ITGAX: variants seen among roughly 807,000 people sequenced by gnomAD.
ITGAX encodes the protein integrin subunit alpha X.
Under a neutral mutation model 140.2 loss-of-function variants are expected in ITGAX, and 99 were observed. That is an observed-to-expected ratio of 0.71 (90% CI 0.60 to 0.83). The LOEUF (loss-of-function observed/expected upper bound fraction) is 0.83. Ranked by LOEUF, ITGAX falls within the 40% of genes least tolerant of loss-of-function variation. The probability of loss-of-function intolerance (pLI) is 0.00; values close to 1 mark genes in which losing one functional copy is unlikely to be tolerated. For missense variants in ITGAX, 1,444 were observed against 1,482.0 expected (o/e 0.97, Z 0.42); for synonymous variants, 631 against 600.4 (o/e 1.05, Z -0.75).
intron 17 of ITGAX, among the ~76,000 whole-genome samples, chr16:31,372,020 C>A (rs982279103): frequency 1.3e-5 from 2 of 152,152 alleles, no homozygotes; most frequent in Non-Finnish European, 2.9e-5. Context: ...AATTGGGCAA[C>A]CTGAGAGAGC....
intron 5 of ITGAX, 72 bp from the exon 6 acceptor site, chr16:31,359,628 T>C (rs2080799327): frequency 6.4e-7 from 1 of 1,559,248 alleles, no homozygotes; most frequent in African/African-American, 1.4e-5. Context: ...GAGTGAGCTC[T>C]TGTGGCCAGG....
chr16:31,374,494 C>T (rs1469598036), intron 20 of ITGAX, among the ~76,000 whole-genome samples: 1 of 152,154 alleles, frequency 6.6e-6, no homozygotes, highest in Non-Finnish European at 1.5e-5. Context: ...GGCTGGAGTG[C>T]AGTGGCACAA....
intron 14 of ITGAX, chr16:31,370,132 A>G (rs1339900125): frequency 6.6e-6 from 1 of 151,934 alleles, no homozygotes; most frequent in Non-Finnish European, 1.5e-5. Context: ...ATTTTTGTTT[A>G]TTTAGTAGAA....
At chr16:31,357,184 G>A (rs61761294) in intron 4 of ITGAX, 69 bp from the exon 5 acceptor site, 1 of 1,547,292 alleles carries the variant, frequency 6.5e-7, no homozygotes, top group Non-Finnish European at 8.8e-7. Context: ...CTCCTGTAGG[G>A]TGGAGGTTCC....
chr16:31,378,295 C>G (rs946987652), intron 23 of ITGAX, among the ~76,000 whole-genome samples: 1 of 152,204 alleles, frequency 6.6e-6, no homozygotes, highest in African/African-American at 2.4e-5. Context: ...TGTGCTGTGT[C>G]CCACAGAGCC....
intron 14 of ITGAX, among the ~76,000 whole-genome samples, chr16:31,364,420 C>T (rs1211588289): frequency 7.4e-6 from 1 of 135,870 alleles, no homozygotes; most frequent in Non-Finnish European, 1.5e-5. Flanking sequence ...GAGCACAATC[C>T]CGTGTCAAAA....
intron 14 of ITGAX, among the ~76,000 whole-genome samples, chr16:31,366,110 T>A (rs780125412): frequency 8.5e-5 from 13 of 152,234 alleles, no homozygotes; most frequent in Non-Finnish European, 1.8e-4. Flanking sequence ...GATACTGCAT[T>A]TTTTACACGC....
intron 20 of ITGAX, among the ~76,000 whole-genome samples, chr16:31,373,924 T>C (rs1434772289): frequency 6.6e-6 from 1 of 152,248 alleles, no homozygotes; most frequent in Non-Finnish European, 1.5e-5. Context: ...TGGCTGTTGG[T>C]TGCCAATCCC....
rs1555475690 is a variant in ITGAX at position 31,362,133 on chromosome 16, A to G, written c.1145A>G (p.Tyr382Cys). Reference sequence around the variant, plus strand: ...ACCTGGTCTGGAGGTGCCTTCCTGTACCCCCCAAATATGAGCCCTACCTTC... The same window carrying G: ...ACCTGGTCTGGAGGTGCCTTCCTGTGCCCCCCAAATATGAGCCCTACCTTC... The part of the protein sequence containing the change: ...SFTWSGGAFL[Y>C]PPNMSPTFIN... Residue 382 changes from tyrosine to cysteine, a missense_variant, in exon 11 of 30, where the codon TAC becomes TGC. By Grantham distance (194) the Tyr-to-Cys change is radical (BLOSUM62 -2). Coordinates refer to ENST00000268296, the MANE Select transcript of ITGAX (RefSeq NM_000887.5). The G allele has an allele frequency of 6.2e-7, 1 of 1,613,362 alleles. No homozygotes were observed. Among genetic ancestry groups the G allele is most frequent in the East Asian group, 2.2e-5 (1 of 44,846 alleles).
At chr16:31,360,494 C>A in intron 8 of ITGAX, 31 bp downstream of exon 8, 1 of 1,576,348 alleles carries the variant, frequency 6.3e-7, no homozygotes, top group South Asian at 1.1e-5. Context: ...CCACTTCTCC[C>A]ACGGCTTCCT....
chr16:31,365,295 T>C (rs768697613), intron 14 of ITGAX, among the ~76,000 whole-genome samples: 2 of 152,166 alleles, frequency 1.3e-5, no homozygotes, highest in Non-Finnish European at 2.9e-5. Context: ...GTGGTAGTGG[T>C]TTCACAACTC....
Position 31,362,636 on chromosome 16 carries a change from G to A in ITGAX, c.1242G>A (p.Trp414Ter). 6.2e-7 allele frequency: 1 copy of A among 1,612,802 alleles called. No homozygotes were observed. The highest frequency in any genetic ancestry group is 1.3e-5 in the African/African-American group (1 of 74,976). Residue 414 changes from tryptophan (W) to a stop codon, truncating the protein, a stop_gained, in exon 12 of 30, where the codon TGG becomes TGA. Transcript: ENST00000268296. LOFTEE classifies it high-confidence loss of function. The stretch of plus-strand genomic sequence containing the variant: ...GTTACTCCACCGAGCTGGCCCTCTG[G>A]AAAGGGGTGCAGAGCCTGGTCCTGG... ...YLGYSTELAL[W>*]KGVQSLVLGA...
rs1183898317 is a variant in ITGAX at position 31,371,167 on chromosome 16, A to C, written c.1794A>C (p.Gly598=). The change falls in exon 15 of 30, where the codon GGA becomes GGC. Residue 598 remains glycine (G), a synonymous_variant. Transcript: ENST00000268296. ...GGGGTCAAGACCTCACCCAGGATGG[A>C]CTGGTGGACCTGGCTGTGGGGGCCC... ...LSGGQDLTQD[G]LVDLAVGARG... is the part of the protein sequence containing the mutation. 1 of 1,613,266 alleles carries C rather than the reference A, an allele frequency of 6.2e-7. No homozygotes were observed. The highest frequency in any genetic ancestry group is 8.5e-7 in the Non-Finnish European group (1 of 1,179,658).
At chr16:31,365,198 G>T (rs2080880578) in intron 14 of ITGAX, among the ~76,000 whole-genome samples, 1 of 152,178 alleles carries the variant, frequency 6.6e-6, no homozygotes, top group Non-Finnish European at 1.5e-5. Context: ...ACAGGGCTGG[G>T]TGTGGGGGAA....
In ITGAX at chr16:31,380,908, G is replaced by A; in HGVS notation, c.3288G>A (p.Val1096=). 6.2e-7 allele frequency: 1 copy of A among 1,614,082 alleles called. No homozygotes were observed. The highest frequency in any genetic ancestry group is 8.5e-7 in the Non-Finnish European group (1 of 1,179,972). Residue 1096 remains valine, a synonymous_variant, in exon 29 of 30, where the codon GTG becomes GTA. Coordinates refer to ENST00000268296, the MANE Select transcript of ITGAX (RefSeq NM_000887.5). ...CACTTCCACTTCAGACGACAACGGT[G>A]CTGGAGAAGTACAAGGTCCACAACC... ...EAFMRAQTTT[V]LEKYKVHNPT... is the part of the protein sequence containing the mutation.
intron 23 of ITGAX, 59 bp from the exon 24 acceptor site, chr16:31,379,509 A>G (rs2081048435): frequency 5.3e-6 from 8 of 1,498,212 alleles, no homozygotes; most frequent in Admixed American, 3.9e-5. Context: ...GCTCTAGCCA[A>G]TGCCTTCTGC....
rs761156077 is a variant in ITGAX at position 31,377,168 on chromosome 16, T to C, written c.2706-14T>C. The stretch of plus-strand genomic sequence containing the variant: ...CTGGGGCCTCTGGCAACTGAGTCTC[T>C]CCTCTTTCTCCAGTGAGAACAACAC... On this transcript the variant is annotated splice_polypyrimidine_tract_variant and intron_variant, in intron 22 of 29. Coordinates refer to ENST00000268296, the MANE Select transcript of ITGAX (RefSeq NM_000887.5). 20 of 1,613,572 alleles carry C rather than the reference T, an allele frequency of 1.2e-5. No homozygotes were observed. In the Middle Eastern group the frequency reaches 1.3e-3, roughly 106 times the overall value.
Position 31,359,834 on chromosome 16 carries a change from T to G in ITGAX, c.561+4T>G, listed in dbSNP as rs1333611559. ...GTTCCAGAGACCCAGCACCCAGGTGTGCCTTTGGGGGAGGGAGGCTGCTGG... is the reference window on the plus strand; with the variant it reads ...GTTCCAGAGACCCAGCACCCAGGTGGGCCTTTGGGGGAGGGAGGCTGCTGG... On this transcript the variant is annotated splice_donor_region_variant and intron_variant, in intron 6 of 29. Coordinates refer to ENST00000268296, the MANE Select transcript of ITGAX (RefSeq NM_000887.5). 6.2e-7 allele frequency: 1 copy of G among 1,614,126 alleles called. No individual in the cohort carries two copies. Among genetic ancestry groups the G allele is most frequent in the Admixed American group, 1.7e-5 (1 of 60,020 alleles).
rs138647196 is a variant in ITGAX at position 31,379,061 on chromosome 16, C to T, written c.2790-507C>T. Among the ~76,000 whole-genome samples the T allele has an allele frequency of 7.8e-3, 1,192 of 152,206 alleles. 19 individuals carry two copies. The highest frequency in any genetic ancestry group is 0.027 in the African/African-American group (1,131 of 41,520). On this transcript the variant is annotated intron_variant, in intron 23 of 29. Coordinates refer to ENST00000268296, the MANE Select transcript of ITGAX (RefSeq NM_000887.5). ...GAACTCCCGACCTCAGGTGATCTGC[C>T]TGTCTCAGCCTGTCAAAGTGCTGGG...
Sources: gnomAD v4.1 joint callset for allele counts (sites outside exome capture counted in the v4.1 genomes callset) on GRCh38, gnomAD v4.1.1 for gene constraint, MANE v1.5 for transcripts, NCBI Gene and HGNC (gene_info 2026-07-23, HGNC 2026-07-21) for gene names.